Variants in KCNN2 observed in about 807,000 individuals in gnomAD.
The protein encoded by KCNN2 is small conductance calcium-activated potassium channel protein 2.
KCNN2 carries 24 observed loss-of-function variants against 55.5 expected under a neutral mutation model. The ratio of observed to expected loss-of-function variants is 0.43; its 90% CI spans 0.31 to 0.61. The LOEUF (loss-of-function observed/expected upper bound fraction) is 0.61, where lower values mean the gene tolerates loss of function less well. KCNN2 is among the 20% of genes least tolerant of loss of function. KCNN2 has a pLI of 0.08. For synonymous variants in KCNN2, 431 were observed against 336.1 expected (o/e 1.28, Z -3.09); for missense variants, 754 against 853.6 (o/e 0.88, Z 1.45).
chr5:114,473,342 C>G, intron 5 of KCNN2, 178 bp downstream of exon 5: 2 of 594,750 alleles, frequency 3.4e-6, no homozygotes, highest in Non-Finnish European at 6.0e-6. Context: ...ACCTTGAGGT[C>G]AGTTAGGAAG....
At chr5:114,072,957 C>T (rs981308637) in intron 1 of KCNN2, among the ~76,000 whole-genome samples, 2 of 152,024 alleles carry the variant, frequency 1.3e-5, no homozygotes, top group Admixed American at 1.3e-4. Context: ...TCTTACCTGC[C>T]ATTTTATGCA....
chr5:114,241,897 A>G (rs1754651418), intron 2 of KCNN2, among the ~76,000 whole-genome samples: 1 of 145,662 alleles, frequency 6.9e-6, no homozygotes, highest in African/African-American at 2.5e-5. Context: ...ATTTAAAGAT[A>G]TACATATTGG....
chr5:114,341,410 A>T (rs1238036644), intron 2 of KCNN2, among the ~76,000 whole-genome samples: 3 of 152,198 alleles, frequency 2.0e-5, no homozygotes. Context: ...AAATGAAGAT[A>T]AAAGGAGATG....
intron 1 of KCNN2, among the ~76,000 whole-genome samples, chr5:114,146,137 C>G (rs779659690): frequency 6.6e-6 from 1 of 152,048 alleles, no homozygotes; most frequent in Non-Finnish European, 1.5e-5. Flanking sequence ...CATCTTTCCA[C>G]CATACTTCCC....
chr5:114,261,924 A>C (rs1755117274), intron 2 of KCNN2, among the ~76,000 whole-genome samples: 1 of 152,172 alleles, frequency 6.6e-6, no homozygotes, highest in African/African-American at 2.4e-5. Flanking sequence ...GTCAATAATA[A>C]ACTGAACAAT....
chr5:114,393,643 A>T (rs907619913), intron 2 of KCNN2, among the ~76,000 whole-genome samples: 1 of 152,202 alleles, frequency 6.6e-6, no homozygotes, highest in Admixed American at 6.5e-5. Flanking sequence ...GTGCCCAGCC[A>T]CTCAGTTCAC....
chr5:114,211,058 A>G (rs1171528415), intron 1 of KCNN2, among the ~76,000 whole-genome samples: 1 of 152,168 alleles, frequency 6.6e-6, no homozygotes, highest in Non-Finnish European at 1.5e-5. Context: ...AGTTAAAAAA[A>G]AACAGATGGT....
At chr5:114,308,442 T>C (rs894067078) in intron 2 of KCNN2, among the ~76,000 whole-genome samples, 1 of 152,206 alleles carries the variant, frequency 6.6e-6, no homozygotes, top group Non-Finnish European at 1.5e-5. Flanking sequence ...ATTATCAAGT[T>C]GGCCATGTTG....
intron 2 of KCNN2, among the ~76,000 whole-genome samples, chr5:114,250,485 A>G (rs1754836719): frequency 6.6e-6 from 1 of 152,190 alleles, no homozygotes; most frequent in African/African-American, 2.4e-5. Context: ...TAGAAATGAA[A>G]GGCTGCTGTA....
intron 2 of KCNN2, among the ~76,000 whole-genome samples, chr5:114,263,568 C>T (rs62382896): frequency 0.13 from 19,448 of 152,168 alleles, 1,252 homozygotes; most frequent in African/African-American, 0.14. Context: ...CGTTTTGAAT[C>T]TGGCTCTTGC....
At chr5:114,317,891 A>T (rs545682560) in intron 2 of KCNN2, among the ~76,000 whole-genome samples, 8 of 152,372 alleles carry the variant, frequency 5.3e-5, no homozygotes, top group African/African-American at 1.9e-4. Context: ...TCTTCACGGC[A>T]GCACAAGTAT....
chr5:114,221,728 T>G (rs1243648038), intron 2 of KCNN2, among the ~76,000 whole-genome samples: 3 of 152,200 alleles, frequency 2.0e-5, no homozygotes, highest in Non-Finnish European at 4.4e-5. Context: ...ATGTATTACC[T>G]GCCTATTTCT....
chr5:114,066,225 T>C (rs1037248873), intron 1 of KCNN2, among the ~76,000 whole-genome samples: 2 of 152,256 alleles, frequency 1.3e-5, no homozygotes, highest in African/African-American at 4.8e-5. Context: ...TCTCTTTCTC[T>C]GTCTCTAATT....
At chr5:114,487,241 T>A in intron 6 of KCNN2, 64 bp downstream of exon 6, 1 of 1,435,462 alleles carries the variant, frequency 7.0e-7, no homozygotes, top group Non-Finnish European at 9.6e-7. Context: ...TTGCACTTGT[T>A]TATTCTTGTT....
At chr5:114,225,673 A>G (rs551406410) in intron 2 of KCNN2, among the ~76,000 whole-genome samples, 23 of 152,242 alleles carry the variant, frequency 1.5e-4, no homozygotes, top group Non-Finnish European at 2.8e-4. Context: ...AAAAAATCCA[A>G]GTTATCTACA....
chr5:114,095,122 C>T (rs571100133), intron 1 of KCNN2, among the ~76,000 whole-genome samples: 1 of 152,098 alleles, frequency 6.6e-6, no homozygotes, highest in Non-Finnish European at 1.5e-5. Context: ...TTTGGGGTAT[C>T]TTTATAACAG....
At chr5:114,470,220 T>C (rs1386381165) in intron 4 of KCNN2, among the ~76,000 whole-genome samples, 2 of 152,182 alleles carry the variant, frequency 1.3e-5, no homozygotes, top group East Asian at 3.9e-4. Context: ...TTGATTTCTT[T>C]CCAGAAAGAT....
rs1758063198 is a variant in KCNN2, at chr5:114,379,864, A to T, written c.1218+15863A>T. ...AGCTTATATATTATATAGCATATTA[A>T]TATTTTATAAATATATAGCATAATT... On this transcript the variant is annotated intron_variant, in intron 2 of 7. Coordinates refer to ENST00000673685, the MANE Select transcript of KCNN2 (RefSeq NM_021614.4). Among the ~76,000 whole-genome samples, 4 of 146,272 alleles carry T rather than the reference A, an allele frequency of 2.7e-5. No individual in the cohort carries two copies. The Admixed American group carries it at 2.8e-4, about 10-fold the overall frequency.
chr5:114,092,136 C>T (rs2416364), intron 1 of KCNN2, among the ~76,000 whole-genome samples: 3 of 152,082 alleles, frequency 2.0e-5, no homozygotes, highest in East Asian at 1.9e-4. Flanking sequence ...TAGTTACTTA[C>T]AAGATATAAT....
Sources: allele counts gnomAD v4.1 joint callset (sites outside exome capture counted in the v4.1 genomes callset), GRCh38; gene constraint gnomAD v4.1.1; transcripts MANE v1.5; gene names NCBI Gene and HGNC (gene_info 2026-07-23, HGNC 2026-07-21).